The following ABR variants were observed in gnomAD, a reference collection of about 807,000 sequenced individuals.
ABR encodes the protein ABR activator of RhoGEF and GTPase, also known as active breakpoint cluster region-related protein.
Under a neutral mutation model 107.2 loss-of-function variants are expected in ABR, and 35 were observed. The ratio of observed to expected loss-of-function variants is 0.33; its 90% CI spans 0.25 to 0.43. The LOEUF (loss-of-function observed/expected upper bound fraction) is 0.43, where lower values mean the gene tolerates loss of function less well. ABR is among the 20% of genes least tolerant of loss of function. The probability of loss-of-function intolerance (pLI) is 1.00; values close to 1 mark genes in which losing one functional copy is unlikely to be tolerated. For missense variants in ABR, 815 were observed against 1,115.2 expected (o/e 0.73, Z 3.83); for synonymous variants, 498 against 462.0 (o/e 1.08, Z -1.00).
intron 9 of ABR, 140 bp downstream of exon 9, chr17:1,069,829 G>A (rs1191012084): frequency 9.1e-6 from 1 of 109,298 alleles, no homozygotes; most frequent in Non-Finnish European, 1.6e-5. Context: ...GCAGAGGTCC[G>A]GACCCCCTCC....
exon 1 of ABR, chr17:1,186,871 C>A (rs1294909035): frequency 1.3e-5 from 2 of 152,340 alleles, no homozygotes; most frequent in Non-Finnish European, 2.9e-5. Flanking sequence ...TCTCCAAAAC[C>A]CAGAGATTCA....
chr17:1,087,071 C>T (rs1337980124), intron 4 of ABR, among the ~76,000 whole-genome samples: 1 of 152,128 alleles, frequency 6.6e-6, no homozygotes, highest in Admixed American at 6.5e-5. Flanking sequence ...GGAGACTCCA[C>T]CTTCATGTGT....
Position 1,214,957 on chromosome 17 carries a change from C to A in ABR, c.838+13836G>T, listed in dbSNP as rs117920725. On this transcript the variant is annotated intron_variant, in intron 1 of 22. Transcript: ENST00000574139. The stretch of plus-strand genomic sequence containing the variant: ...GCTCTTGACCAGGTGGGGTGGCTCA[C>A]GCCTATAGTCCCAGCACTTTAGGAG... Among the ~76,000 whole-genome samples the A allele has an allele frequency of 3.1e-3, 476 of 151,890 alleles. 2 individuals are homozygous for A. The highest frequency in any genetic ancestry group is 7.7e-3 in the South Asian group (37 of 4,792).
At chr17:1,222,463 C>T (rs1375720607) in intron 1 of ABR, among the ~76,000 whole-genome samples, 1 of 152,162 alleles carries the variant, frequency 6.6e-6, no homozygotes, top group East Asian at 1.9e-4. Flanking sequence ...AATTAAGTTA[C>T]TCAGACATCC....
chr17:1,198,719 T>C (rs2042615419), intron 1 of ABR, among the ~76,000 whole-genome samples: 1 of 149,942 alleles, frequency 6.7e-6, no homozygotes, highest in South Asian at 2.1e-4. Context: ...CACTGCAAGC[T>C]CCGCCTCCCG....
chr17:1,031,654 G>T (rs1014424539), intron 16 of ABR: 1 of 1,258,818 alleles, frequency 7.9e-7, no homozygotes, highest in South Asian at 2.8e-5. Context: ...CCGGTGTTGG[G>T]GGGGCGCTTG....
chr17:1,181,726 T>A (rs1362262882), upstream of ABR, among the ~76,000 whole-genome samples: 1 of 152,064 alleles, frequency 6.6e-6, no homozygotes, highest in African/African-American at 2.4e-5. Flanking sequence ...CACCTGGAAC[T>A]CTCGGAAGAC....
At chr17:1,064,359 T>C (rs1597630767) in intron 10 of ABR, among the ~76,000 whole-genome samples, 3 of 118,080 alleles carry the variant, frequency 2.5e-5, no homozygotes, top group South Asian at 3.2e-4. Flanking sequence ...CATGTTCCTC[T>C]AGACACTGCT....
At chr17:1,017,504 T>C (rs1335714569) in intron 16 of ABR, among the ~76,000 whole-genome samples, 1 of 149,870 alleles carries the variant, frequency 6.7e-6, no homozygotes, top group Non-Finnish European at 1.5e-5. Context: ...AGTTTCACTC[T>C]TGTTGCCCAG....
chr17:1,126,116 A>G (rs931921910), intron 1 of ABR, among the ~76,000 whole-genome samples: 4 of 152,186 alleles, frequency 2.6e-5, no homozygotes, highest in African/African-American at 9.7e-5. Context: ...CTTGGGCTCC[A>G]GAGCCCAGGC....
chr17:1,180,679 A>G (rs1325860218), upstream of ABR, among the ~76,000 whole-genome samples: 1 of 152,308 alleles, frequency 6.6e-6, no homozygotes, highest in African/African-American at 2.4e-5. Context: ...TGGAAAGCCC[A>G]TCGTGTTTGC....
intron 1 of ABR, among the ~76,000 whole-genome samples, chr17:1,139,558 T>C (rs912873381): frequency 2.0e-5 from 3 of 152,018 alleles, no homozygotes; most frequent in Non-Finnish European, 4.4e-5. Flanking sequence ...GGCCTGTTTT[T>C]TTTTTCTTTT....
At chr17:1,117,074 A>T in intron 2 of ABR, among the ~76,000 whole-genome samples, 1 of 152,126 alleles carries the variant, frequency 6.6e-6, no homozygotes, top group African/African-American at 2.4e-5. Flanking sequence ...AAAGGGAAGA[A>T]GAGGCTGCAG....
chr17:1,190,840 C>T (rs1170837934), upstream of ABR, among the ~76,000 whole-genome samples: 1 of 152,208 alleles, frequency 6.6e-6, no homozygotes, highest in Non-Finnish European at 1.5e-5. Context: ...CTGTGAGTCA[C>T]CAGCTCCCAG....
intron 1 of ABR, among the ~76,000 whole-genome samples, chr17:1,140,468 C>G (rs1452729014): frequency 6.6e-6 from 1 of 152,218 alleles, no homozygotes; most frequent in Non-Finnish European, 1.5e-5. Context: ...CCAGGTGCCA[C>G]CTGTACCAGA....
At position 1,129,489 on chromosome 17, in the gene ABR, G is replaced by A. The variant is rs547887842; in HGVS notation, c.62-4122C>T. On this transcript the variant is annotated intron_variant, in intron 1 of 22. Transcript: ENST00000302538. ...GGGGCTTGCAGTGAGCTGAGATCGC[G>A]ACACTGCACTCCAGACTGGGCGACA... Among the ~76,000 whole-genome samples the A allele has an allele frequency of 5.9e-5, 9 of 152,122 alleles. No homozygotes were observed. The East Asian group carries it at 1.4e-3, about 23-fold the overall frequency.
At position 1,111,205 on chromosome 17, in the gene ABR, T is replaced by C. The variant is rs557175697; in HGVS notation, c.247-10470A>G. The stretch of plus-strand genomic sequence containing the variant: ...CCCTTGGAAGTCTGCCAGGATATCC[T>C]CGTCCCCGTTCCCCACACCTCTACA... On this transcript the variant is annotated intron_variant, in intron 2 of 22. Coordinates refer to ENST00000302538, the MANE Select transcript of ABR (RefSeq NM_021962.5). Among the ~76,000 whole-genome samples the C allele has an allele frequency of 1.7e-4, 26 of 152,220 alleles. No individual in the cohort carries two copies. The South Asian group carries it at 5.2e-3, about 30-fold the overall frequency.
rs548978386 is a variant in ABR, at chr17:1,016,478, A to G, written c.1792-3314T>C. On this transcript the variant is annotated intron_variant, in intron 16 of 22. Coordinates refer to ENST00000302538, the MANE Select transcript of ABR (RefSeq NM_021962.5). ...ATTACAGGTGCCTGCCACCACGCCC[A>G]GCTAATTTTTTATTTGTAGTGGAGA... Among the ~76,000 whole-genome samples the G allele has an allele frequency of 1.8e-3, 266 of 151,766 alleles. 4 individuals carry two copies. Among genetic ancestry groups the G allele is most frequent in the African/African-American group, 6.2e-3 (257 of 41,252 alleles).
chr17:1,026,607 T>C (rs1049476023), intron 16 of ABR, among the ~76,000 whole-genome samples: 3 of 152,152 alleles, frequency 2.0e-5, no homozygotes, highest in African/African-American at 7.2e-5. Flanking sequence ...GGGCCCATCC[T>C]GGAGGGCCAA....
Sources: allele counts gnomAD v4.1 joint callset (sites outside exome capture counted in the v4.1 genomes callset), GRCh38; gene constraint gnomAD v4.1.1; transcripts MANE v1.5; gene names NCBI Gene and HGNC (gene_info 2026-07-23, HGNC 2026-07-21).